The following SHANK2 variants were observed in gnomAD, a reference collection of about 807,000 sequenced individuals.
SHANK2 encodes the protein SH3 and multiple ankyrin repeat domains 2, also known as SH3 and multiple ankyrin repeat domains protein 2.
SHANK2 carries 43 observed loss-of-function variants against 133.7 expected under a neutral mutation model. The observed-to-expected ratio is 0.32, with a 90% CI of 0.25 to 0.41. The LOEUF is 0.41. SHANK2 is among the 10% of genes least tolerant of loss of function. SHANK2 has a pLI of 1.00. For synonymous variants in SHANK2, 1,017 were observed against 952.8 expected, an observed-to-expected ratio of 1.07 and a Z score of -1.24; for missense variants, 1,994 against 2,235.8, an observed-to-expected ratio of 0.89 and a Z score of 2.18.
intron 17 of SHANK2, among the ~76,000 whole-genome samples, chr11:70,568,672 C>G (rs2060003446): frequency 6.8e-6 from 1 of 146,148 alleles, no homozygotes; most frequent in Non-Finnish European, 1.5e-5. Context: ...TCCTCCCGGC[C>G]GGGAGCTGTT....
chr11:70,700,379 G>A (rs1366581653), intron 14 of SHANK2, among the ~76,000 whole-genome samples: 5 of 152,148 alleles, frequency 3.3e-5, no homozygotes, highest in Non-Finnish European at 7.4e-5. Flanking sequence ...GTGCAGCCAG[G>A]GGCACCCTCT....
chr11:70,661,850 A>AG (rs1194455196), intron 15 of SHANK2, 172 bp from the exon 16 acceptor site: 4 of 1,585,002 alleles, frequency 2.5e-6, no homozygotes, highest in East Asian at 2.2e-5. Context: ...GCGAAGGAAG[A>AG]GGGGGGTGGC....
At chr11:70,852,640 C>T (rs546372274) in intron 11 of SHANK2, among the ~76,000 whole-genome samples, 28 of 152,148 alleles carry the variant, frequency 1.8e-4, no homozygotes, top group Non-Finnish European at 3.4e-4. Flanking sequence ...GTCAGGAGTT[C>T]GAGACCAGCC....
At chr11:71,232,682 G>T (rs1244268680) in intron 1 of SHANK2, among the ~76,000 whole-genome samples, 4 of 152,122 alleles carry the variant, frequency 2.6e-5, no homozygotes, top group Admixed American at 2.0e-4. Flanking sequence ...TTAGTAACAT[G>T]TTCTTTTCTC....
At chr11:70,742,088 A>C (rs563201590) in intron 14 of SHANK2, among the ~76,000 whole-genome samples, 1 of 152,290 alleles carries the variant, frequency 6.6e-6, no homozygotes, top group African/African-American at 2.4e-5. Flanking sequence ...CATTAGATAC[A>C]CTGGCTGTCC....
In SHANK2 at chr11:71,175,798, T is replaced by C. The variant is rs1953430046; in HGVS notation, c.-12-28460A>G. Reference sequence around the variant, plus strand: ...TGAGCCCTATGATGACTCCCAGCTTTCTGCCTCCTCAGGGTTTCCAGACCA... The same window carrying C: ...TGAGCCCTATGATGACTCCCAGCTTCCTGCCTCCTCAGGGTTTCCAGACCA... On this transcript the variant is annotated intron_variant, in intron 2 of 25. Coordinates refer to ENST00000601538, the MANE Select transcript of SHANK2 (RefSeq NM_012309.5). This position sits in a 1 kb window ranked among gnomAD's most constrained non-coding sequence, Gnocchi z 4.2. Among the ~76,000 whole-genome samples, 1 of 152,194 alleles carries C rather than the reference T, an allele frequency of 6.6e-6. No individual in the cohort carries two copies. The highest frequency in any genetic ancestry group is 1.5e-5 in the Non-Finnish European group (1 of 68,040).
chr11:70,502,078 G>A (rs1223932358), intron 19 of SHANK2, 128 bp downstream of exon 19: 21 of 1,317,464 alleles, frequency 1.6e-5, no homozygotes, highest in Admixed American at 7.9e-5. Flanking sequence ...CCTGATGCAC[G>A]TCTGGGTACA....
chr11:70,611,890 G>T (rs1278517340), intron 17 of SHANK2, among the ~76,000 whole-genome samples: 1 of 149,194 alleles, frequency 6.7e-6, no homozygotes, highest in Non-Finnish European at 1.5e-5. Flanking sequence ...GCACTCAGCA[G>T]TGTGAAACTG....
In SHANK2 at chr11:70,661,550, C is replaced by A. The variant is rs552635024; in HGVS notation, c.1936+46G>T. On this transcript the variant is annotated intron_variant, in intron 16 of 25. Transcript: ENST00000601538. ...ACACACACACACACACACACACACA[C>A]ACACAAACATGGGAACATATTCAGG... 146 of 1,111,314 alleles carry A rather than the reference C, an allele frequency of 1.3e-4. 1 individual carries two copies. The African/African-American group carries it at 2.4e-3, about 18-fold the overall frequency. 68.8% of individuals were successfully genotyped at this position (1,111,314 alleles called of 1,614,324 possible). A position where few individuals can be genotyped will look rare whatever the true frequency, so the allele number is the denominator to read the frequency against.
In SHANK2 at chr11:71,092,445, T is replaced by G. The variant is rs1951534978; in HGVS notation, c.889A>C (p.Asn297His). ...EHATVCCKDE[N>H]GWHEIHQACR... ...ACCTGGTGGATCTCGTGCCAGCCGT[T>G]CTCATCTTTGCAGCACACAGTGGCG... Residue 297 changes from asparagine (N) to histidine (H), a missense_variant, in exon 8 of 26, where the codon AAC becomes CAC. Asn to His is a moderately conservative substitution (Grantham distance 68). Coordinates refer to ENST00000601538, the MANE Select transcript of SHANK2 (RefSeq NM_012309.5). 1 of 1,551,222 alleles carries G rather than the reference T, an allele frequency of 6.4e-7. No homozygotes were observed. The highest frequency in any genetic ancestry group is 2.0e-5 in the Admixed American group (1 of 50,936).
chr11:70,616,847 G>A (rs957308321), intron 17 of SHANK2, among the ~76,000 whole-genome samples: 1 of 152,184 alleles, frequency 6.6e-6, no homozygotes, highest in Non-Finnish European at 1.5e-5. Context: ...TCCCCCGACA[G>A]GGGCCGCTGA....
At chr11:71,085,919 CAT>C (rs1951395101) in intron 8 of SHANK2, among the ~76,000 whole-genome samples, 1 of 424 alleles carries the variant, frequency 2.4e-3, no homozygotes, top group Non-Finnish European at 4.1e-3. Context: ...ATTAATATAA[CAT>C]AATAAATTGT....
At chr11:70,771,462 G>A (rs1211236713) in intron 14 of SHANK2, among the ~76,000 whole-genome samples, 1 of 152,228 alleles carries the variant, frequency 6.6e-6, no homozygotes, top group African/African-American at 2.4e-5. Flanking sequence ...CTTCCTGCAT[G>A]AGGACTGCAG....
At chr11:70,853,457 G>T (rs1476652334) in intron 11 of SHANK2, among the ~76,000 whole-genome samples, 1 of 152,196 alleles carries the variant, frequency 6.6e-6, no homozygotes, top group African/African-American at 2.4e-5. Flanking sequence ...AAGCGGACTG[G>T]TGCTCAGTTC....
intron 12 of SHANK2, among the ~76,000 whole-genome samples, chr11:70,816,037 C>T (rs1452739785): frequency 6.6e-6 from 1 of 152,234 alleles, no homozygotes; most frequent in Non-Finnish European, 1.5e-5. Flanking sequence ...ACCTGATACC[C>T]TGTGCTCCCT....
chr11:70,753,811 A>ACTGTGTGTGTGTGTGTGTGT lies in SHANK2; in HGVS notation c.1777+44631_1777+44632insACACACACACACACACACAG, dbSNP rs71049937. Among the ~76,000 whole-genome samples the ACTGTGTGTGTGTGTGTGTGT allele has an allele frequency of 2.1e-3, 306 of 144,790 alleles. 12 individuals are homozygous for ACTGTGTGTGTGTGTGTGTGT. Among genetic ancestry groups the ACTGTGTGTGTGTGTGTGTGT allele is most frequent in the Admixed American group, 2.1e-3 (31 of 14,610 alleles). The allele number at this position is 144,790 out of a possible 152,430, so 95.0% of individuals were successfully genotyped here. ...TGTCTTACATCTATTAAAGATATTA[A>ACTGTGTGTGTGTGTGTGTGT]GTGTGTGTGTGTGTGTTTGAGACAG... On this transcript the variant is annotated intron_variant, in intron 14 of 25. Transcript: ENST00000601538.
chr11:70,523,611 C>G (rs1275880195), intron 17 of SHANK2, among the ~76,000 whole-genome samples: 1 of 152,178 alleles, frequency 6.6e-6, no homozygotes, highest in African/African-American at 2.4e-5. Context: ...TGTCTATGGT[C>G]CTGCCCCCTC....
intron 10 of SHANK2, among the ~76,000 whole-genome samples, chr11:70,939,022 G>A (rs1450733390): frequency 6.6e-6 from 1 of 151,832 alleles, no homozygotes; most frequent in African/African-American, 2.4e-5. Flanking sequence ...ATGGGTGGCA[G>A]CAGGGACAGA....
chr11:70,870,858 C>A (rs868945366), intron 11 of SHANK2, among the ~76,000 whole-genome samples: 32 of 152,270 alleles, frequency 2.1e-4, no homozygotes, highest in Admixed American at 1.6e-3. Context: ...CTCACTGCAG[C>A]CTCCGCCCAC....
Sources: gnomAD v4.1 joint callset for allele counts (sites outside exome capture counted in the v4.1 genomes callset) on GRCh38, gnomAD v4.1.1 for gene constraint, Gnocchi (gnomAD v3.1) non-coding constraint, MANE v1.5 for transcripts, NCBI Gene and HGNC (gene_info 2026-07-23, HGNC 2026-07-21) for gene names.